The following MICAL3 variants were observed in gnomAD, a reference collection of about 807,000 sequenced individuals.
MICAL3 encodes the protein microtubule associated monooxygenase, calponin and LIM domain containing 3.
In MICAL3, 62 loss-of-function variants were observed where a neutral mutation model predicts 207.4. The observed-to-expected ratio is 0.30, with a 90% CI of 0.24 to 0.37. The LOEUF (loss-of-function observed/expected upper bound fraction) is 0.37, where lower values mean the gene tolerates loss of function less well. MICAL3 is among the 10% of genes least tolerant of loss of function. The pLI, the probability that MICAL3 is intolerant of heterozygous loss-of-function variation, is 1.00. For missense variants in MICAL3, 2,368 were observed against 2,635.6 expected (o/e 0.90, Z 2.22); for synonymous variants, 1,077 against 1,069.3 (o/e 1.01, Z -0.14).
intron 1 of MICAL3, among the ~76,000 whole-genome samples, chr22:17,942,468 T>C (rs1569141027): frequency 6.6e-6 from 1 of 152,150 alleles, no homozygotes; most frequent in Non-Finnish European, 1.5e-5. Context: ...CAGCCAAGCT[T>C]TCTAGAAACA....
chr22:17,884,318 A>C (rs1435149220), intron 16 of MICAL3: 1 of 1,592,534 alleles, frequency 6.3e-7, no homozygotes, highest in Non-Finnish European at 8.5e-7. Context: ...CTGCCCAGGC[A>C]GGCAGCAGGA....
chr22:17,792,074 C>T (rs1398364295), intron 29 of MICAL3, among the ~76,000 whole-genome samples: 1 of 152,216 alleles, frequency 6.6e-6, no homozygotes, highest in Non-Finnish European at 1.5e-5. Flanking sequence ...GTGCCGATAC[C>T]AAACCTCCCC....
intron 1 of MICAL3, chr22:18,001,196 C>G (rs1021458141): frequency 6.6e-6 from 1 of 151,982 alleles, no homozygotes; most frequent in Non-Finnish European, 1.5e-5. Flanking sequence ...CGGAAGGAGG[C>G]GCCCGCGCCG....
intron 7 of MICAL3, 192 bp downstream of exon 7, chr22:17,899,256 T>G: frequency 3.2e-5 from 21 of 661,406 alleles, no homozygotes; most frequent in African/African-American, 3.6e-5. Flanking sequence ...CTCCCCCCGT[T>G]TTTATTTACA....
chr22:17,905,603 C>T (rs1931655298), intron 2 of MICAL3, among the ~76,000 whole-genome samples: 1 of 152,192 alleles, frequency 6.6e-6, no homozygotes, highest in Non-Finnish European at 1.5e-5. Context: ...AAATGCAAAT[C>T]CACTGGGGGT....
At chr22:17,865,020 C>G in intron 18 of MICAL3, 34 bp from the exon 19 acceptor site, 1 of 1,573,766 alleles carries the variant, frequency 6.4e-7, no homozygotes, top group Admixed American at 1.8e-5. Context: ...AAGAGTGACT[C>G]TGACTGATGC....
intron 19 of MICAL3, chr22:17,864,315 G>T: frequency 8.6e-7 from 1 of 1,165,562 alleles, no homozygotes; most frequent in Non-Finnish European, 1.1e-6. Context: ...GGTCAGGACA[G>T]GGCATGTCCC....
At chr22:18,011,963 G>T (rs927267925) in intron 1 of MICAL3, among the ~76,000 whole-genome samples, 1 of 151,892 alleles carries the variant, frequency 6.6e-6, no homozygotes, top group Admixed American at 6.6e-5. Flanking sequence ...AGCAGGGTCT[G>T]GTGGCTCACA....
intron 1 of MICAL3, among the ~76,000 whole-genome samples, chr22:17,930,862 T>G (rs1297414871): frequency 6.6e-6 from 1 of 152,234 alleles, no homozygotes; most frequent in African/African-American, 2.4e-5. Context: ...CTCTCCACAC[T>G]GCGGCCAGCT....
At chr22:17,803,269 G>C (rs1259287282) in intron 29 of MICAL3, among the ~76,000 whole-genome samples, 1 of 152,112 alleles carries the variant, frequency 6.6e-6, no homozygotes, top group East Asian at 1.9e-4. Flanking sequence ...ACGTTGTTAT[G>C]GGCACCCGTC....
At chr22:17,849,474 A>G (rs147712035) in intron 19 of MICAL3, among the ~76,000 whole-genome samples, 71 of 152,196 alleles carry the variant, frequency 4.7e-4, no homozygotes, top group African/African-American at 1.6e-3. Context: ...AGCTGAGACT[A>G]CAGGTGTGCG....
chr22:17,981,632 T>C (rs1935912096), intron 1 of MICAL3, among the ~76,000 whole-genome samples: 1 of 152,098 alleles, frequency 6.6e-6, no homozygotes, highest in South Asian at 2.1e-4. Flanking sequence ...GCCCCCAACA[T>C]GACATGTGAG....
chr22:17,877,265 A>G (rs201668075), intron 16 of MICAL3, among the ~76,000 whole-genome samples: 1,081 of 4,720 alleles, frequency 0.23, 23 homozygotes, highest in Admixed American at 0.26. Flanking sequence ...AGGTTAGGGA[A>G]GTTATGGAGG....
At chr22:17,919,076 G>GTTTTTTTT (rs35096617) in intron 1 of MICAL3, among the ~76,000 whole-genome samples, 3 of 136,504 alleles carry the variant, frequency 2.2e-5, no homozygotes, top group African/African-American at 5.9e-5. Flanking sequence ...GTTTTTGTGG[G>GTTTTTTTT]TTTTTTTTTT....
chr22:18,021,284 G>A (rs145470256), intron 1 of MICAL3, among the ~76,000 whole-genome samples: 220 of 152,376 alleles, frequency 1.4e-3, no homozygotes, highest in Middle Eastern at 3.4e-3. Context: ...CCCTCACATG[G>A]CTGGCCTGCC....
chr22:17,818,777 G>A lies in MICAL3; in HGVS notation c.3884C>T (p.Pro1295Leu). Residue 1295 changes from proline (P) to leucine (L), a missense_variant, in exon 26 of 32, where the codon CCT becomes CTT. Coordinates refer to ENST00000441493, the MANE Select transcript of MICAL3 (RefSeq NM_015241.3). ...GTCACTTTGGCTTTGGACAGGGAGAGGGGCCAGTGGGGTGGATGTTTTGGC... is the reference window on the plus strand; with the variant it reads ...GTCACTTTGGCTTTGGACAGGGAGAAGGGCCAGTGGGGTGGATGTTTTGGC... ...APAKTSTPLA[P>L]LPVQSQSDTK... 1 of 1,584,888 alleles carries A rather than the reference G, an allele frequency of 6.3e-7. No individual in the cohort carries two copies. Among genetic ancestry groups the A allele is most frequent in the Non-Finnish European group, 8.6e-7 (1 of 1,161,374 alleles).
rs1193078047 is a variant in MICAL3 at position 17,887,409 on chromosome 22, T to C, written c.1918A>G (p.Lys640Glu). The change falls in exon 14 of 32, where the codon AAA (lysine) becomes GAA (glutamate). Residue 640 changes from lysine to glutamate, a missense_variant. By Grantham distance (56) the Lys-to-Glu change is moderately conservative (BLOSUM62 1). Coordinates refer to ENST00000441493, the MANE Select transcript of MICAL3 (RefSeq NM_015241.3). ...CTGGTGCTGGCTATCAGGACTGCTT[T>C]CTCCTCGGCATTTAGGTCCAAGGTG... is the stretch of plus-strand genomic sequence containing the variant. ...SDTLDLNAEEKAVLIASTRSP... is the reference protein window; with the variant it reads ...SDTLDLNAEEEAVLIASTRSP... 4 of 1,613,642 alleles carry C rather than the reference T, an allele frequency of 2.5e-6. No individual in the cohort carries two copies. The East Asian group carries it at 8.9e-5, about 36-fold the overall frequency.
intron 1 of MICAL3, among the ~76,000 whole-genome samples, chr22:17,948,913 A>C (rs912198530): frequency 2.2e-4 from 8 of 36,314 alleles, no homozygotes; most frequent in Non-Finnish European, 3.7e-4. Context: ...ATGCTGCCTC[A>C]AAAAAAAAAA....
chr22:17,904,896 A>C, intron 2 of MICAL3, 57 bp from the exon 3 acceptor site: 1 of 1,258,348 alleles, frequency 7.9e-7, no homozygotes, highest in Non-Finnish European at 1.2e-6. Flanking sequence ...AATTCTCAAG[A>C]AGTCTCATGA....
Sources: gnomAD v4.1 joint callset for allele counts (sites outside exome capture counted in the v4.1 genomes callset) on GRCh38, gnomAD v4.1.1 for gene constraint, MANE v1.5 for transcripts, NCBI Gene and HGNC (gene_info 2026-07-23, HGNC 2026-07-21) for gene names.